PTPRG: variants seen among roughly 807,000 people sequenced by gnomAD.
The protein encoded by PTPRG is receptor-type tyrosine-protein phosphatase gamma.
PTPRG carries 102 observed loss-of-function variants against 165.3 expected under a neutral mutation model. That is an observed-to-expected ratio of 0.62 (90% CI 0.53 to 0.73). PTPRG has a LOEUF of 0.73. Among genes scored for constraint, PTPRG ranks in the 30% least tolerant of loss-of-function variants. The pLI, the probability that PTPRG is intolerant of heterozygous loss-of-function variation, is 0.00. For synonymous variants in PTPRG, 675 were observed against 669.5 expected (o/e 1.01, Z -0.13); for missense variants, 1,866 against 1,861.4 (o/e 1.00, Z -0.05).
chr3:62,112,808 T>C (rs189253072), intron 5 of PTPRG, among the ~76,000 whole-genome samples: 99 of 152,244 alleles, frequency 6.5e-4, no homozygotes, highest in African/African-American at 2.1e-3. Context: ...TGAGTAGTGG[T>C]CCTGAAGGAA....
intron 14 of PTPRG, among the ~76,000 whole-genome samples, chr3:62,236,024 G>C (rs1191378910): frequency 2.0e-5 from 3 of 152,110 alleles, no homozygotes; most frequent in Non-Finnish European, 4.4e-5. Context: ...ATGGCCACTA[G>C]AAACATATTT....
intron 2 of PTPRG, among the ~76,000 whole-genome samples, chr3:61,899,344 G>T (rs1024053574): frequency 6.6e-5 from 10 of 152,160 alleles, no homozygotes; most frequent in Admixed American, 2.0e-4. Context: ...TGGAATGATT[G>T]CTGAGACAGA....
intron 4 of PTPRG, among the ~76,000 whole-genome samples, chr3:62,015,667 C>T (rs970947781): frequency 6.6e-6 from 1 of 151,994 alleles, no homozygotes; most frequent in African/African-American, 2.4e-5. Context: ...TAGAAGGATC[C>T]GTCTGGCTGC....
At chr3:61,589,875 C>G (rs1700524608) in intron 1 of PTPRG, among the ~76,000 whole-genome samples, 2 of 152,036 alleles carry the variant, frequency 1.3e-5, no homozygotes, top group Admixed American at 1.3e-4. Flanking sequence ...GATGTGTAGT[C>G]AGGGTCAGTT....
intron 5 of PTPRG, among the ~76,000 whole-genome samples, chr3:62,090,399 C>G (rs908665536): frequency 4.6e-5 from 7 of 152,058 alleles, no homozygotes; most frequent in Non-Finnish European, 8.8e-5. Flanking sequence ...ATGCAAGCAG[C>G]TAGCTAACAC....
rs116923219 is a variant in PTPRG at position 61,887,987 on chromosome 3, C to A, written c.191-101638C>A. Reference sequence around the variant, plus strand: ...ATTAAAGTAAGTCCAAGTAAAAAAACCAAAAAACAACAAACATAGAGCCAA... The same window carrying A: ...ATTAAAGTAAGTCCAAGTAAAAAAAACAAAAAACAACAAACATAGAGCCAA... On this transcript the variant is annotated intron_variant, in intron 2 of 29. Coordinates refer to ENST00000474889, the MANE Select transcript of PTPRG (RefSeq NM_002841.4). Among the ~76,000 whole-genome samples, 90 of 152,090 alleles carry A rather than the reference C, an allele frequency of 5.9e-4. 1 individual carries two copies. In the East Asian group the frequency reaches 7.0e-3, roughly 12 times the overall value.
At chr3:62,177,796 T>C (rs115911425) in intron 8 of PTPRG, among the ~76,000 whole-genome samples, 1,967 of 152,250 alleles carry the variant, frequency 0.013, 19 homozygotes, top group Middle Eastern at 0.1. Context: ...CCAAGGAAGT[T>C]TCCTGACTGC....
intron 2 of PTPRG, among the ~76,000 whole-genome samples, chr3:61,859,535 G>A (rs1333016878): frequency 2.0e-5 from 3 of 151,456 alleles, no homozygotes; most frequent in Non-Finnish European, 4.4e-5. Flanking sequence ...ATTTGTTTAA[G>A]CGAAATTCTA....
chr3:61,990,066 G>A (rs1216646201), intron 3 of PTPRG, among the ~76,000 whole-genome samples: 5 of 151,642 alleles, frequency 3.3e-5, no homozygotes, highest in Non-Finnish European at 7.4e-5. Flanking sequence ...GTGATTAAAT[G>A]AGTTAGTAGA....
chr3:61,695,582 G>A (rs1206815411), intron 1 of PTPRG, among the ~76,000 whole-genome samples: 3 of 152,098 alleles, frequency 2.0e-5, no homozygotes, highest in Admixed American at 6.5e-5. Flanking sequence ...CATACACCTC[G>A]GCATTTTAGG....
rs1248152008 is a variant in PTPRG at position 62,071,247 on chromosome 3, G to T, written c.520-6916G>T. On this transcript the variant is annotated intron_variant, in intron 4 of 29. Transcript: ENST00000474889. Reference sequence around the variant, plus strand: ...GATTTTTTTTCTTGGACCATGTGTGGGGGGCACGTGGGAGAAATCGCTTTT... The same window carrying T: ...GATTTTTTTTCTTGGACCATGTGTGTGGGGCACGTGGGAGAAATCGCTTTT... Among the ~76,000 whole-genome samples, 3 of 152,158 alleles carry T rather than the reference G, an allele frequency of 2.0e-5. No homozygotes were observed. In the East Asian group the frequency reaches 5.8e-4, roughly 29 times the overall value.
chr3:62,062,980 G>C lies in PTPRG; in HGVS notation c.520-15183G>C, dbSNP rs1398226767. Among the ~76,000 whole-genome samples, 113 of 152,158 alleles carry C rather than the reference G, an allele frequency of 7.4e-4. 1 individual carries two copies. The highest frequency in any genetic ancestry group is 7.3e-5 in the Non-Finnish European group (5 of 68,036). ...ATTTTGTGGCATTCTTACTTGCCCT[G>C]TGGTGTTAAATACTAACCCCAAACT... On this transcript the variant is annotated intron_variant, in intron 4 of 29. Transcript: ENST00000474889.
intron 4 of PTPRG, among the ~76,000 whole-genome samples, chr3:62,068,452 C>T (rs886760034): frequency 6.6e-6 from 1 of 152,044 alleles, no homozygotes; most frequent in Non-Finnish European, 1.5e-5. Context: ...GGGCAGTAAA[C>T]TCGGCCCTAC....
Position 62,245,268 on chromosome 3 carries a change from A to C in PTPRG, c.2467+1370A>C, listed in dbSNP as rs1701264299. 6.6e-6 allele frequency among the ~76,000 whole-genome samples: 1 copy of C among 152,194 alleles called. No homozygotes were observed. Among genetic ancestry groups the C allele is most frequent in the South Asian group, 2.1e-4 (1 of 4,830 alleles). On this transcript the variant is annotated intron_variant, in intron 15 of 29. Coordinates refer to ENST00000474889, the MANE Select transcript of PTPRG (RefSeq NM_002841.4). The surrounding 1 kb of genome is among the most constrained non-coding windows in gnomAD (Gnocchi z 4.2). ...CTTTTCCTTTGAGAGTAGAGAAGGT[A>C]GACAGGAATCATCAGTCTTCATCAG...
intron 2 of PTPRG, among the ~76,000 whole-genome samples, chr3:61,813,425 A>C (rs2035651903): frequency 6.7e-6 from 1 of 150,220 alleles, no homozygotes; most frequent in Non-Finnish European, 1.5e-5. Flanking sequence ...TGAGGCACCG[A>C]GAACCACTTG....
At chr3:61,787,278 A>T (rs2034734715) in intron 2 of PTPRG, among the ~76,000 whole-genome samples, 1 of 152,184 alleles carries the variant, frequency 6.6e-6, no homozygotes, top group African/African-American at 2.4e-5. Context: ...CCTGTAAATG[A>T]TTAAGGATAA....
At chr3:61,928,731 A>G (rs890904294) in intron 2 of PTPRG, among the ~76,000 whole-genome samples, 1 of 152,024 alleles carries the variant, frequency 6.6e-6, no homozygotes, top group African/African-American at 2.4e-5. Flanking sequence ...TTTTCTAGAG[A>G]TACTGGAGAT....
At chr3:61,942,016 C>T (rs1043763794) in intron 2 of PTPRG, among the ~76,000 whole-genome samples, 7 of 151,920 alleles carry the variant, frequency 4.6e-5, no homozygotes, top group African/African-American at 1.7e-4. Flanking sequence ...AAAAATTAGC[C>T]AGGCGCGGTG....
At chr3:62,132,188 C>A (rs904442432) in intron 5 of PTPRG, among the ~76,000 whole-genome samples, 1 of 152,092 alleles carries the variant, frequency 6.6e-6, no homozygotes, top group African/African-American at 2.4e-5. Flanking sequence ...AAAACAGATT[C>A]ATTTTCTAAA....
Sources: allele counts gnomAD v4.1 joint callset (sites outside exome capture counted in the v4.1 genomes callset), GRCh38; gene constraint gnomAD v4.1.1; non-coding constraint Gnocchi (gnomAD v3.1); transcripts MANE v1.5; gene names NCBI Gene and HGNC (gene_info 2026-07-23, HGNC 2026-07-21).